Variants in PNKD observed in about 807,000 individuals in gnomAD.
PNKD encodes the protein probable thioesterase PNKD.
Under a neutral mutation model 45.3 loss-of-function variants are expected in PNKD, and 36 were observed. The ratio of observed to expected loss-of-function variants is 0.80; its 90% CI spans 0.61 to 1.05. The LOEUF (loss-of-function observed/expected upper bound fraction) is 1.05, where lower values mean the gene tolerates loss of function less well. Among genes scored for constraint, PNKD ranks in the 50% least tolerant of loss-of-function variants. The probability of loss-of-function intolerance (pLI) is 0.00; values close to 1 mark genes in which losing one functional copy is unlikely to be tolerated. For missense variants in PNKD, 511 were observed against 506.6 expected (o/e 1.01, Z -0.08); for synonymous variants, 197 against 210.1 (o/e 0.94, Z 0.54).
intron 2 of PNKD, among the ~76,000 whole-genome samples, chr2:218,314,068 T>C (rs560968259): frequency 6.6e-4 from 100 of 151,752 alleles, no homozygotes; most frequent in Admixed American, 1.2e-3. Context: ...ATTACAGGCA[T>C]GTGCCACCAC....
chr2:218,276,014 G>A (rs771496510), intron 2 of PNKD: 2 of 1,609,868 alleles, frequency 1.2e-6, no homozygotes, highest in East Asian at 2.2e-5. Context: ...CTAGAGTGGG[G>A]CTGGGACTTA....
intron 2 of PNKD, among the ~76,000 whole-genome samples, chr2:218,330,692 G>C (rs192928076): frequency 6.6e-6 from 1 of 152,236 alleles, no homozygotes; most frequent in Non-Finnish European, 1.5e-5. Context: ...ATGATGGGTA[G>C]TTCCTGTCCC....
intron 2 of PNKD, among the ~76,000 whole-genome samples, chr2:218,334,309 T>C (rs1304056095): frequency 6.6e-6 from 1 of 152,044 alleles, no homozygotes; most frequent in Non-Finnish European, 1.5e-5. Context: ...ATTCACTATT[T>C]TTCCCTGCTG....
At chr2:218,303,349 A>G (rs998140521) in intron 2 of PNKD, among the ~76,000 whole-genome samples, 1 of 152,106 alleles carries the variant, frequency 6.6e-6, no homozygotes, top group African/African-American at 2.4e-5. Flanking sequence ...TTGGTTTACA[A>G]AGGAAGCCAT....
chr2:218,292,115 G>A (rs2106244005), intron 2 of PNKD, among the ~76,000 whole-genome samples: 1 of 152,302 alleles, frequency 6.6e-6, no homozygotes, highest in African/African-American at 2.4e-5. Flanking sequence ...ACTCGGGCTG[G>A]CATGGTGGAT....
At chr2:218,302,146 G>A (rs1693288638) in intron 2 of PNKD, among the ~76,000 whole-genome samples, 1 of 152,082 alleles carries the variant, frequency 6.6e-6, no homozygotes, top group Admixed American at 6.5e-5. Flanking sequence ...TCAGGAGATC[G>A]AGACCATCCT....
At position 218,339,823 on chromosome 2, in the gene PNKD, T is replaced by C. The variant is rs756441321; in HGVS notation, c.277T>C (p.Tyr93His). 11 of 1,613,752 alleles carry C rather than the reference T, an allele frequency of 6.8e-6. No individual in the cohort carries two copies. In the South Asian group the frequency reaches 1.2e-4, roughly 18 times the overall value. ...YTRTWLGYLF[Y>H]RQQLRRARNR... The stretch of plus-strand genomic sequence containing the variant: ...CCGCACCTGGCTCGGGTACCTCTTC[T>C]ACCGACAGCAGCTGCGCAGGGCTCG... The change falls in exon 3 of 10, where the codon TAC (tyrosine) becomes CAC (histidine). Residue 93 changes from tyrosine (Y) to histidine (H), a missense_variant. By Grantham distance (83) the Tyr-to-His change is moderately conservative (BLOSUM62 2). Transcript: ENST00000273077.
intron 2 of PNKD, among the ~76,000 whole-genome samples, chr2:218,294,608 G>T (rs896505579): frequency 2.8e-4 from 42 of 152,300 alleles, no homozygotes; most frequent in African/African-American, 9.9e-4. Context: ...CTCCTGAGTA[G>T]CTGGGACTAC....
chr2:218,282,032 G>C lies in PNKD; in HGVS notation c.236+10483G>C, dbSNP rs754907832. The C allele has an allele frequency of 1.9e-6, 3 of 1,607,780 alleles. No homozygotes were observed. In the South Asian group the frequency reaches 3.3e-5, roughly 18 times the overall value. On this transcript the variant is annotated intron_variant, in intron 2 of 9. Transcript: ENST00000273077. ...AGGCTGCGGGTAGCCAGGGTAGGCA[G>C]GATACCCTCCTGGCAGGACAGATGG...
intron 2 of PNKD, among the ~76,000 whole-genome samples, chr2:218,335,725 A>G (rs1324800040): frequency 1.3e-5 from 2 of 152,226 alleles, no homozygotes; most frequent in Non-Finnish European, 2.9e-5. Context: ...ATGTGCCCAG[A>G]TTGCCAATCA....
intron 1 of PNKD, 135 bp from the exon 2 acceptor site, chr2:218,271,246 C>A: frequency 1.2e-6 from 1 of 819,468 alleles, no homozygotes; most frequent in Non-Finnish European, 2.2e-6. Context: ...TTCTCCTTGG[C>A]ACTTCTTACT....
At position 218,313,894 on chromosome 2, in the gene PNKD, TC is replaced by T. The variant is rs370220652; in HGVS notation, c.237-25888del. ...CAAATCTCGTTGTTTAACTGCATTT[TC>T]TTTATTTCTTTTTTTTTTTTTTTTT... On this transcript the variant is annotated intron_variant, in intron 2 of 9. Transcript: ENST00000273077. 3.1e-4 allele frequency among the ~76,000 whole-genome samples: 45 copies of T among 144,072 alleles called. 1 individual carries two copies. The highest frequency in any genetic ancestry group is 1.1e-3 in the African/African-American group (44 of 39,602). The allele number at this position is 144,072 out of a possible 152,430, so 94.5% of individuals were successfully genotyped here. A position where few individuals can be genotyped will look rare whatever the true frequency, so the allele number is the denominator to read the frequency against.
At chr2:218,300,430 G>A (rs916275354) in intron 2 of PNKD, among the ~76,000 whole-genome samples, 1 of 152,204 alleles carries the variant, frequency 6.6e-6, no homozygotes, top group Non-Finnish European at 1.5e-5. Context: ...CCACTTGGAT[G>A]TCTAATAGGT....
intron 2 of PNKD, among the ~76,000 whole-genome samples, chr2:218,301,224 G>A (rs938018611): frequency 1.3e-5 from 2 of 152,122 alleles, no homozygotes; most frequent in African/African-American, 2.4e-5. Context: ...TGTGCTCAGT[G>A]GCAAGTGGCT....
chr2:218,301,345 C>T (rs987985202), intron 2 of PNKD, among the ~76,000 whole-genome samples: 3 of 152,118 alleles, frequency 2.0e-5, no homozygotes, highest in Non-Finnish European at 2.9e-5. Context: ...ATGCCTAGCC[C>T]AGGGCCTGCA....
chr2:218,288,650 T>C (rs1692714148), intron 2 of PNKD, among the ~76,000 whole-genome samples: 1 of 152,192 alleles, frequency 6.6e-6, no homozygotes, highest in African/African-American at 2.4e-5. Context: ...TTAGGGACGC[T>C]CAACCAGTAA....
chr2:218,332,630 G>A (rs1694361897), intron 2 of PNKD, among the ~76,000 whole-genome samples: 1 of 151,902 alleles, frequency 6.6e-6, no homozygotes, highest in South Asian at 2.1e-4. Flanking sequence ...CCTGTCCCTA[G>A]CCCACATCCA....
At chr2:218,287,562 T>C (rs1190963136) in intron 2 of PNKD, among the ~76,000 whole-genome samples, 1 of 151,854 alleles carries the variant, frequency 6.6e-6, no homozygotes, top group Admixed American at 6.6e-5. Flanking sequence ...TACAAAAAAT[T>C]AGCTGGGCGT....
At chr2:218,282,059 T>A (rs777446555) in intron 2 of PNKD, 5 of 1,596,050 alleles carry the variant, frequency 3.1e-6, no homozygotes, top group Non-Finnish European at 4.3e-6. Context: ...GACAGATGGC[T>A]GCCCATAGCC....
Sources: allele counts gnomAD v4.1 joint callset (sites outside exome capture counted in the v4.1 genomes callset), GRCh38; gene constraint gnomAD v4.1.1; transcripts MANE v1.5; gene names NCBI Gene and HGNC (gene_info 2026-07-23, HGNC 2026-07-21).